Variants in DAPK2 observed in about 807,000 individuals in gnomAD.
The protein encoded by DAPK2 is death associated protein kinase 2.
DAPK2 carries 35 observed loss-of-function variants against 44.1 expected under a neutral mutation model. The observed-to-expected ratio is 0.79, with a 90% CI of 0.61 to 1.05. The LOEUF (loss-of-function observed/expected upper bound fraction) is 1.05. Ranked by LOEUF, DAPK2 falls within the 50% of genes least tolerant of loss-of-function variation. The pLI, the probability that DAPK2 is intolerant of heterozygous loss-of-function variation, is 0.00. For missense variants in DAPK2, 453 were observed against 483.2 expected, an observed-to-expected ratio of 0.94 and a Z score of 0.59; for synonymous variants, 174 against 182.6, an observed-to-expected ratio of 0.95 and a Z score of 0.38.
intron 1 of DAPK2, among the ~76,000 whole-genome samples, chr15:64,022,672 A>AGT (rs1389680131): frequency 2.0e-5 from 3 of 152,186 alleles, no homozygotes; most frequent in Admixed American, 1.3e-4. Context: ...ACAAAAAATT[A>AGT]GCTGGGTGTG....
rs555303465 is a variant in DAPK2, at chr15:63,971,452, T to G, written c.424A>C (p.Thr142Pro). Residue 142 changes from threonine to proline, a missense_variant, in exon 3 of 11, where the codon ACA becomes CCA. Thr to Pro is a conservative substitution (Grantham distance 38). Coordinates refer to ENST00000261891, the Ensembl canonical transcript of DAPK2. ...AGATCAAAGTGAGCAATTTTCTTTGTGTGAAGGTAGTTCACCCCATCCAGG... is the reference window on the plus strand; with the variant it reads ...AGATCAAAGTGAGCAATTTTCTTTGGGTGAAGGTAGTTCACCCCATCCAGG... 5.3e-5 allele frequency: 86 copies of G among 1,614,232 alleles called. 1 individual carries two copies. In the Admixed American group the frequency reaches 7.0e-4, roughly 13 times the overall value.
intron 1 of DAPK2, among the ~76,000 whole-genome samples, chr15:64,009,537 T>C (rs1244392989): frequency 1.3e-5 from 2 of 151,996 alleles, no homozygotes; most frequent in African/African-American, 4.8e-5. Context: ...AACACACTCA[T>C]TTCCACCTCT....
At chr15:64,005,894 C>T (rs919158978) in intron 1 of DAPK2, among the ~76,000 whole-genome samples, 4 of 151,908 alleles carry the variant, frequency 2.6e-5, no homozygotes, top group Non-Finnish European at 5.9e-5. Flanking sequence ...ATTAGCTAGG[C>T]GTGTTGGCAC....
chr15:64,036,907 C>T (rs570290075), intron 1 of DAPK2, among the ~76,000 whole-genome samples: 73 of 152,164 alleles, frequency 4.8e-4, no homozygotes, highest in African/African-American at 1.6e-3. Context: ...TCCAAAGGCT[C>T]GATCTGTTCA....
chr15:63,958,078 G>T (rs1261910801), intron 3 of DAPK2, among the ~76,000 whole-genome samples: 2 of 152,112 alleles, frequency 1.3e-5, no homozygotes, highest in East Asian at 1.9e-4. Context: ...ATCTCATTGT[G>T]GTTTTGATTT....
chr15:63,967,325 T>C (rs1223025837), intron 3 of DAPK2, among the ~76,000 whole-genome samples: 1 of 152,236 alleles, frequency 6.6e-6, no homozygotes. Flanking sequence ...GGGTGATCAG[T>C]GAAGGCTTCT....
chr15:64,016,854 A>T (rs373881181), intron 1 of DAPK2, among the ~76,000 whole-genome samples: 1 of 112,552 alleles, frequency 8.9e-6, no homozygotes, highest in Non-Finnish European at 1.9e-5. Context: ...GAAGGAAGGA[A>T]GGAAGGAAGG....
chr15:63,953,925 G>T (rs1452906394), intron 3 of DAPK2, among the ~76,000 whole-genome samples: 1 of 152,116 alleles, frequency 6.6e-6, no homozygotes, highest in Admixed American at 6.5e-5. Flanking sequence ...CTTCTTTTTA[G>T]AAATGTCTAT....
At chr15:64,007,036 T>C (rs1411257205) in intron 1 of DAPK2, among the ~76,000 whole-genome samples, 1 of 152,130 alleles carries the variant, frequency 6.6e-6, no homozygotes, top group Non-Finnish European at 1.5e-5. Flanking sequence ...ACCCTCACTT[T>C]ACTGTGCTTT....
chr15:63,961,899 G>A (rs1191387153), intron 3 of DAPK2, among the ~76,000 whole-genome samples: 2 of 152,146 alleles, frequency 1.3e-5, no homozygotes, highest in African/African-American at 4.8e-5. Flanking sequence ...TGTCTCACTA[G>A]GTTGGGGAAG....
At position 63,916,319 on chromosome 15, in the gene DAPK2, C is replaced by G. The variant is rs114616849; in HGVS notation, c.859-4122G>C. 0.028 allele frequency: 4,301 copies of G among 152,444 alleles called. 94 individuals are homozygous for G. The highest frequency in any genetic ancestry group is 0.061 in the African/African-American group (2,544 of 41,476). The allele number at this position is 152,444 out of a possible 1,614,324, so 9.4% of individuals were successfully genotyped here. A position where few individuals can be genotyped will look rare whatever the true frequency, so the allele number is the denominator to read the frequency against. On this transcript the variant is annotated intron_variant, in intron 8 of 10. Transcript: ENST00000261891. This position sits in a 1 kb window ranked among gnomAD's most constrained non-coding sequence, Gnocchi z 4.7. Reference sequence around the variant, plus strand: ...AGGCGACTCCCCCAACTCCACCCCCCACACAACGATTTTCTCTAGATACTA... The same window carrying G: ...AGGCGACTCCCCCAACTCCACCCCCGACACAACGATTTTCTCTAGATACTA...
intron 3 of DAPK2, among the ~76,000 whole-genome samples, chr15:63,965,722 C>G (rs73454878): frequency 0.059 from 8,917 of 152,304 alleles, 379 homozygotes; most frequent in African/African-American, 0.11. Context: ...CATCTCCCCC[C>G]ATGGCCCCCA....
At chr15:63,967,706 T>A in intron 3 of DAPK2, among the ~76,000 whole-genome samples, 1 of 151,896 alleles carries the variant, frequency 6.6e-6, no homozygotes, top group Non-Finnish European at 1.5e-5. Flanking sequence ...GAAAAAAAAA[T>A]ATCCATTTGT....
chr15:64,046,353 G>GTC (rs2080465944), upstream of DAPK2: 2 of 12,236 alleles, frequency 1.6e-4, no homozygotes, highest in African/African-American at 2.4e-4. This position sits in a 1 kb window ranked among gnomAD's most constrained non-coding sequence, Gnocchi z 5.3. Flanking sequence ...GGGAGCGGCG[G>GTC]GCGCGGCGGG....
rs751639430 is a variant in DAPK2 at position 63,925,939 on chromosome 15, A to G, written c.812+2T>C. On this transcript the variant is annotated splice_donor_variant, in intron 7 of 10. Coordinates refer to ENST00000261891, the Ensembl canonical transcript of DAPK2. LOFTEE classifies it high-confidence loss of function. ...AAACCAGTGGCTTCTCTGTCCTCTT[A>G]CCGGGTCTCTTTAACCAGAAGCTTC... 6.2e-7 allele frequency: 1 copy of G among 1,614,026 alleles called. No homozygotes were observed. The highest frequency in any genetic ancestry group is 1.1e-5 in the South Asian group (1 of 91,076).
chr15:63,939,091 C>T lies in DAPK2; in HGVS notation c.583+141G>A. Reference sequence around the variant, plus strand: ...CCAGGCCCAATAAGACATTTCCTTCCCCACCCATTAGGTTTCTAGAGATGT... The same window carrying T: ...CCAGGCCCAATAAGACATTTCCTTCTCCACCCATTAGGTTTCTAGAGATGT... On this transcript the variant is annotated intron_variant, in intron 4 of 10. Transcript: ENST00000261891. This position sits in a 1 kb window ranked among gnomAD's most constrained non-coding sequence, Gnocchi z 4.3. The T allele has an allele frequency of 7.0e-7, 1 of 1,433,646 alleles. No individual in the cohort carries two copies. Among genetic ancestry groups the T allele is most frequent in the Non-Finnish European group, 9.3e-7 (1 of 1,075,050 alleles). The allele number at this position is 1,433,646 out of a possible 1,614,324, so 88.8% of individuals were successfully genotyped here. A position where few individuals can be genotyped will look rare whatever the true frequency, so the allele number is the denominator to read the frequency against.
At chr15:64,007,250 C>A (rs532615870) in intron 1 of DAPK2, among the ~76,000 whole-genome samples, 31 of 152,214 alleles carry the variant, frequency 2.0e-4, no homozygotes, top group African/African-American at 7.2e-4. Flanking sequence ...CAGGCACGCA[C>A]CACCATGCCC....
rs940487285 is a variant in DAPK2 at position 64,020,342 on chromosome 15, G to T, written c.92+19828C>A. On this transcript the variant is annotated intron_variant, in intron 1 of 10. Transcript: ENST00000261891. This position sits in a 1 kb window ranked among gnomAD's most constrained non-coding sequence, Gnocchi z 4.5. ...AGAAACAGCTGAGAAGGCAGTGGGG[G>T]ATAGAACCCATTTCATCAGGACTGG... Among the ~76,000 whole-genome samples the T allele has an allele frequency of 3.3e-5, 5 of 152,204 alleles. No homozygotes were observed. The highest frequency in any genetic ancestry group is 1.2e-4 in the African/African-American group (5 of 41,450).
At chr15:63,991,482 T>C (rs2078817022) in intron 1 of DAPK2, 1 of 366,568 alleles carries the variant, frequency 2.7e-6, no homozygotes, top group Non-Finnish European at 5.4e-6. Context: ...TCCTTGACGA[T>C]GGCTTTGAAA....
Sources: gnomAD v4.1 joint callset for allele counts (sites outside exome capture counted in the v4.1 genomes callset) on GRCh38, gnomAD v4.1.1 for gene constraint, Gnocchi (gnomAD v3.1) non-coding constraint, MANE v1.5 for transcripts, NCBI Gene and HGNC (gene_info 2026-07-23, HGNC 2026-07-21) for gene names.